SDHB: variants seen among roughly 807,000 people sequenced by gnomAD.
SDHB encodes succinate dehydrogenase [ubiquinone] iron-sulfur subunit, mitochondrial.
In SDHB, 21 loss-of-function variants were observed where a neutral mutation model predicts 39.7. The observed-to-expected ratio is 0.53, with a 90% CI of 0.37 to 0.76. The LOEUF is 0.76. Among genes scored for constraint, SDHB ranks in the 30% least tolerant of loss-of-function variants. SDHB has a pLI of 0.00. For synonymous variants in SDHB, 118 were observed against 117.0 expected (o/e 1.01, Z -0.06); for missense variants, 343 against 350.9 (o/e 0.98, Z 0.18).
At chr1:17,020,826 G>A (rs1271281048) in intron 7 of SDHB, among the ~76,000 whole-genome samples, 1 of 152,218 alleles carries the variant, frequency 6.6e-6, no homozygotes, top group East Asian at 1.9e-4. Context: ...GGAAGCCCAG[G>A]CAATAGGGAG....
intron 1 of SDHB, among the ~76,000 whole-genome samples, chr1:17,049,061 G>A (rs1038023228): frequency 1.3e-4 from 20 of 152,058 alleles, no homozygotes; most frequent in Middle Eastern, 3.2e-3. Flanking sequence ...GCCCAGGCTG[G>A]AGATCATGGC....
intron 1 of SDHB, chr1:17,045,260 G>C (rs10887994): frequency 0.46 from 130,150 of 285,814 alleles, 31,982 homozygotes; most frequent in Non-Finnish European, 0.54. Flanking sequence ...AAGAGTCAGA[G>C]AAGGCTTCCT....
At chr1:17,041,350 C>T (rs1229249265) in intron 2 of SDHB, among the ~76,000 whole-genome samples, 1 of 152,042 alleles carries the variant, frequency 6.6e-6, no homozygotes, top group Non-Finnish European at 1.5e-5. Flanking sequence ...AGCATAATTT[C>T]CTTTATCTAT....
chr1:17,027,844 G>A lies in SDHB; in HGVS notation c.445C>T (p.Gln149Ter), dbSNP rs876658451. ...LVPDLSNFYA[Q>*]YKSIEPYLKK... is the part of the protein sequence containing the mutation. Reference sequence around the variant, plus strand: ...AAATAAGGCTCAATGGATTTGTACTGTGCATAGAAGTTGCTCAAATCCTGT... The same window carrying A: ...AAATAAGGCTCAATGGATTTGTACTATGCATAGAAGTTGCTCAAATCCTGT... Residue 149 changes from glutamine (Q) to a stop codon, truncating the protein, a stop_gained, in exon 5 of 8, where the codon CAG (glutamine) becomes TAG (stop). Transcript: ENST00000375499. LOFTEE classifies it high-confidence loss of function. 2 of 1,608,858 alleles carry A rather than the reference G, an allele frequency of 1.2e-6. No homozygotes were observed. The highest frequency in any genetic ancestry group is 8.5e-7 in the Non-Finnish European group (1 of 1,175,450).
At chr1:17,026,959 G>A (rs1451402943) in intron 5 of SDHB, among the ~76,000 whole-genome samples, 1 of 152,144 alleles carries the variant, frequency 6.6e-6, no homozygotes, top group Admixed American at 6.5e-5. Flanking sequence ...TATTTTTACA[G>A]TATTTACATA....
Position 17,022,635 on chromosome 1 carries a change from G to A in SDHB, c.738C>T (p.Ile246=), listed in dbSNP as rs1476198465. The A allele has an allele frequency of 1.2e-6, 2 of 1,614,064 alleles. No homozygotes were observed. Among genetic ancestry groups the A allele is most frequent in the Non-Finnish European group, 1.7e-6 (2 of 1,179,946 alleles). ...DPFSLYRCHT[I]MNCTRTCPKG... ...TAGGACAGGTCCTTGTGCAGTTCAT[G>A]ATGGTGTGGCAGCGGTATAGAGAGA... The change falls in exon 7 of 8, where the codon ATC becomes ATT. Residue 246 remains isoleucine, a synonymous_variant. Transcript: ENST00000375499.
At chr1:17,027,105 G>A (rs915670563) in intron 5 of SDHB, among the ~76,000 whole-genome samples, 26 of 152,124 alleles carry the variant, frequency 1.7e-4, no homozygotes, top group Non-Finnish European at 1.3e-4. Context: ...CCTACCTCAC[G>A]TCCACAAGTA....
chr1:17,029,723 CTCT>C lies in SDHB; in HGVS notation c.287-990_287-988del, dbSNP rs557755663. Among the ~76,000 whole-genome samples the C allele has an allele frequency of 3.1e-3, 479 of 152,288 alleles. 1 individual carries two copies. The highest frequency in any genetic ancestry group is 0.01 in the African/African-American group (425 of 41,564). The stretch of plus-strand genomic sequence containing the variant: ...CTGGATACAGATTATTAAGAGATAG[CTCT>C]TCTTCTTTTTTTTTCTTGGCTGAGT... On this transcript the variant is annotated intron_variant, in intron 3 of 7. Coordinates refer to ENST00000375499, the MANE Select transcript of SDHB (RefSeq NM_003000.3).
chr1:17,032,926 G>A (rs2078031140), intron 3 of SDHB, 134 bp downstream of exon 3: 3 of 737,730 alleles, frequency 4.1e-6, no homozygotes, highest in Non-Finnish European at 7.4e-6. Flanking sequence ...CCAAGAAAAG[G>A]AATTAGGTTG....
intron 5 of SDHB, 118 bp downstream of exon 5, chr1:17,027,630 TC>T: frequency 1.3e-6 from 1 of 768,186 alleles, no homozygotes; most frequent in East Asian, 2.5e-5. Context: ...TTGTGCCAGT[TC>T]CTCTCCAGAA....
intron 1 of SDHB, among the ~76,000 whole-genome samples, chr1:17,049,423 G>A (rs1046764916): frequency 6.6e-5 from 10 of 151,706 alleles, no homozygotes; most frequent in Non-Finnish European, 2.9e-5. Flanking sequence ...TCAGCCACCC[G>A]GGTAGCTGGG....
chr1:17,044,822 A>G lies in SDHB; in HGVS notation c.139T>C (p.Trp47Arg). 1 of 1,614,138 alleles carries G rather than the reference A, an allele frequency of 6.2e-7. No homozygotes were observed. The highest frequency in any genetic ancestry group is 8.5e-7 in the Non-Finnish European group (1 of 1,180,006). The change falls in exon 2 of 8, where the codon TGG (tryptophan) becomes CGG (arginine). Residue 47 changes from tryptophan to arginine, a missense_variant. Coordinates refer to ENST00000375499, the MANE Select transcript of SDHB (RefSeq NM_003000.3). ...PRIKKFAIYR[W>R]DPDKAGDKPH... ...TTGTCTCCAGCCTTGTCTGGGTCCC[A>G]TCGATAGATGGCAAATTTCTTGATA... is the stretch of plus-strand genomic sequence containing the variant.
intron 1 of SDHB, 124 bp downstream of exon 1, chr1:17,053,824 G>A (rs1256077906): frequency 3.2e-5 from 24 of 745,238 alleles, no homozygotes; most frequent in South Asian, 2.5e-4. Context: ...GCACCAGGGG[G>A]AGGAGGTCCT....
At position 17,022,723 on chromosome 1, in the gene SDHB, C is replaced by A. The variant is rs747518441; in HGVS notation, c.650G>T (p.Arg217Leu). Residue 217 changes from arginine to leucine, a missense_variant, in exon 7 of 8, where the codon CGC (arginine) becomes CTC (leucine). Physicochemically the swap from Arg to Leu is moderately radical, Grantham distance 102. Coordinates refer to ENST00000375499, the MANE Select transcript of SDHB (RefSeq NM_003000.3). ...LGPAVLMQAY[R>L]WMIDSRDDFT... ...GTCATCTCTGGAGTCAATCATCCAG[C>A]GATAGGCCTGGAAAACCAGGGATGA... The A allele has an allele frequency of 6.2e-7, 1 of 1,613,504 alleles. No homozygotes were observed. Among genetic ancestry groups the A allele is most frequent in the Non-Finnish European group, 8.5e-7 (1 of 1,179,598 alleles).
intron 2 of SDHB, among the ~76,000 whole-genome samples, chr1:17,037,500 A>G (rs1479007873): frequency 2.7e-5 from 4 of 147,324 alleles, no homozygotes; most frequent in Non-Finnish European, 4.5e-5. Context: ...TCTGTTGCCC[A>G]GGCTGGAGTG....
chr1:17,022,784 C>T (rs993883911), intron 6 of SDHB, 54 bp from the exon 7 acceptor site: 4 of 1,586,232 alleles, frequency 2.5e-6, no homozygotes, highest in African/African-American at 1.3e-5. Flanking sequence ...CAGAGCGGCA[C>T]CCTGGCTCAA....
At chr1:17,045,183 TAA>T (rs780880104) in intron 1 of SDHB, 6 of 403,054 alleles carry the variant, frequency 1.5e-5, no homozygotes, top group Non-Finnish European at 2.3e-5. Flanking sequence ...ACGATGAATA[TAA>T]AGAGCGATAC....
At chr1:17,050,884 T>C (rs1345467175) in intron 1 of SDHB, among the ~76,000 whole-genome samples, 1 of 152,226 alleles carries the variant, frequency 6.6e-6, no homozygotes, top group African/African-American at 2.4e-5. Context: ...CCAGATTTCA[T>C]TCATCGAACC....
intron 1 of SDHB, among the ~76,000 whole-genome samples, chr1:17,053,037 T>C (rs1400980938): frequency 2.0e-5 from 3 of 152,164 alleles, no homozygotes; most frequent in African/African-American, 7.2e-5. Context: ...TTGCCCACCT[T>C]AAAGGGGTTG....
Sources: gnomAD v4.1 joint callset for allele counts (sites outside exome capture counted in the v4.1 genomes callset) on GRCh38, gnomAD v4.1.1 for gene constraint, MANE v1.5 for transcripts, NCBI Gene and HGNC (gene_info 2026-07-23, HGNC 2026-07-21) for gene names.